Variants in ELMO1 observed in about 807,000 individuals in gnomAD.
The protein encoded by ELMO1 is engulfment and cell motility protein 1.
ELMO1 carries 26 observed loss-of-function variants against 98.9 expected under a neutral mutation model. The ratio of observed to expected loss-of-function variants is 0.26; its 90% confidence interval spans 0.19 to 0.36. The LOEUF (loss-of-function observed/expected upper bound fraction) is 0.36. Ranked by LOEUF, ELMO1 falls within the 10% of genes least tolerant of loss-of-function variation. The pLI is 1.00. For missense variants in ELMO1, 627 were observed against 935.2 expected (o/e 0.67, Z 4.30); for synonymous variants, 346 against 346.0 (o/e 1.00, Z 0.00).
chr7:37,176,110 C>T (rs1394532138), intron 13 of ELMO1, among the ~76,000 whole-genome samples: 1 of 152,182 alleles, frequency 6.6e-6, no homozygotes, highest in Admixed American at 6.5e-5. Context: ...CTGTCATTTA[C>T]TAGAGATAAT....
rs143661872 is a variant in ELMO1 at position 36,870,888 on chromosome 7, T to C, written c.1823-413A>G. ...AGAGCAATGCCAAGTGCTTTACATA[T>C]ATCAGTGTCTCTTGTTACAGCATTT... is the stretch of plus-strand genomic sequence containing the variant. On this transcript the variant is annotated intron_variant, in intron 19 of 21. Coordinates refer to ENST00000310758, the MANE Select transcript of ELMO1 (RefSeq NM_014800.11). This position sits in a 1 kb window ranked among gnomAD's most constrained non-coding sequence, Gnocchi z 4.4. Among the ~76,000 whole-genome samples, 8 of 152,362 alleles carry C rather than the reference T, an allele frequency of 5.3e-5. No individual in the cohort carries two copies. The East Asian group carries it at 1.5e-3, about 29-fold the overall frequency.
chr7:37,107,190 C>T (rs1017103889), intron 14 of ELMO1, among the ~76,000 whole-genome samples: 4 of 152,308 alleles, frequency 2.6e-5, no homozygotes, highest in South Asian at 2.1e-4. Flanking sequence ...TTGCAATCTA[C>T]TTGGAAGATA....
chr7:36,868,351 T>C (rs7801085), intron 20 of ELMO1, among the ~76,000 whole-genome samples: 8 of 100,348 alleles, frequency 8.0e-5, no homozygotes, highest in African/African-American at 1.5e-4. Context: ...TCTTCTTCTT[T>C]TTTTTTTTTT....
chr7:37,159,132 C>T (rs1257975957), intron 13 of ELMO1, among the ~76,000 whole-genome samples: 1 of 152,098 alleles, frequency 6.6e-6, no homozygotes, highest in Non-Finnish European at 1.5e-5. Context: ...GGGAGGGGAA[C>T]ATCACACACT....
At chr7:37,152,459 T>A (rs1584726531) in intron 13 of ELMO1, among the ~76,000 whole-genome samples, 1 of 131,452 alleles carries the variant, frequency 7.6e-6, no homozygotes, top group East Asian at 2.3e-4. Context: ...TTTTTTTTTT[T>A]TATGTTTTTC....
chr7:37,269,377 G>A (rs1157389797), intron 5 of ELMO1: 1 of 151,818 alleles, frequency 6.6e-6, no homozygotes, highest in Non-Finnish European at 1.5e-5. Flanking sequence ...CCAGGTTTGG[G>A]GATCACTGCT....
At position 36,954,814 on chromosome 7, in the gene ELMO1, C is replaced by T. The variant is rs137907738; in HGVS notation, c.1437+58485G>A. On this transcript the variant is annotated intron_variant, in intron 16 of 21. Coordinates refer to ENST00000310758, the MANE Select transcript of ELMO1 (RefSeq NM_014800.11). Reference sequence around the variant, plus strand: ...GTCTTCGCAACTCATGAGATGTCTGCTCAAAATGCAGATTCTTAAATTCTG... The same window carrying T: ...GTCTTCGCAACTCATGAGATGTCTGTTCAAAATGCAGATTCTTAAATTCTG... Among the ~76,000 whole-genome samples, 487 of 152,278 alleles carry T rather than the reference C, an allele frequency of 3.2e-3. 2 individuals are homozygous for T. Among genetic ancestry groups the T allele is most frequent in the African/African-American group, 0.011 (463 of 41,552 alleles).
intron 2 of ELMO1, among the ~76,000 whole-genome samples, chr7:37,327,196 T>C (rs1799865375): frequency 6.6e-6 from 1 of 152,246 alleles, no homozygotes; most frequent in South Asian, 2.1e-4. Context: ...ATCAAGTGTT[T>C]CCTTTCATGT....
At chr7:36,886,848 G>A (rs74467966) in intron 18 of ELMO1, among the ~76,000 whole-genome samples, 1 of 152,188 alleles carries the variant, frequency 6.6e-6, no homozygotes. Flanking sequence ...TCAGAAATCT[G>A]CCTTGAGAAA....
chr7:37,137,412 C>A (rs1031498385), intron 13 of ELMO1, among the ~76,000 whole-genome samples: 4 of 152,276 alleles, frequency 2.6e-5, no homozygotes, highest in African/African-American at 9.6e-5. Context: ...CTATACCCTA[C>A]AACAAATGGA....
chr7:37,418,476 C>CAAT (rs898283997), intron 1 of ELMO1, among the ~76,000 whole-genome samples: 1 of 152,094 alleles, frequency 6.6e-6, no homozygotes, highest in African/African-American at 2.4e-5. Flanking sequence ...CAGTACATTG[C>CAAT]AATAAGGTAA....
chr7:37,039,184 C>T (rs1273902257), intron 15 of ELMO1, among the ~76,000 whole-genome samples: 1 of 152,134 alleles, frequency 6.6e-6, no homozygotes, highest in East Asian at 1.9e-4. Context: ...CAAACAGGCT[C>T]ACAAAATGAA....
In ELMO1 at chr7:37,188,409, TACACACACACACACAC is replaced by T. The variant is rs566236838; in HGVS notation, c.1086+22961_1086+22976del. Among the ~76,000 whole-genome samples the T allele has an allele frequency of 9.6e-3, 1,111 of 115,848 alleles. 11 individuals carry two copies. Among genetic ancestry groups the T allele is most frequent in the South Asian group, 0.015 (50 of 3,350 alleles). The allele number at this position is 115,848 out of a possible 152,430, so 76.0% of individuals were successfully genotyped here. ...TTAACATACAGACTGTGCTTCTTGTTACACACACACACACACACACACACACACACACACACACACA... is the reference window on the plus strand; with the variant it reads ...TTAACATACAGACTGTGCTTCTTGTTACACACACACACACACACACACACA... On this transcript the variant is annotated intron_variant, in intron 13 of 21. Transcript: ENST00000310758.
chr7:37,315,418 A>T (rs940664799), intron 3 of ELMO1, among the ~76,000 whole-genome samples: 6 of 151,466 alleles, frequency 4.0e-5, no homozygotes, highest in Non-Finnish European at 7.4e-5. Context: ...GTTCTGGTTT[A>T]AAAAAAAACA....
chr7:36,888,902 G>A (rs1390046633), intron 17 of ELMO1, among the ~76,000 whole-genome samples: 1 of 152,190 alleles, frequency 6.6e-6, no homozygotes, highest in Admixed American at 6.5e-5. Context: ...GCCAGGTAGT[G>A]CAATATGCAA....
At chr7:36,866,948 T>G (rs1178056359) in intron 20 of ELMO1, among the ~76,000 whole-genome samples, 3 of 152,208 alleles carry the variant, frequency 2.0e-5, no homozygotes, top group Non-Finnish European at 4.4e-5. Flanking sequence ...TCCTTCTGCC[T>G]TTTGATGTTT....
chr7:37,037,205 G>A (rs1795223630), intron 15 of ELMO1, among the ~76,000 whole-genome samples: 1 of 152,184 alleles, frequency 6.6e-6, no homozygotes, highest in Non-Finnish European at 1.5e-5. Flanking sequence ...GCCCTTTAAT[G>A]TTTTAATGAA....
intron 16 of ELMO1, among the ~76,000 whole-genome samples, chr7:36,977,321 G>C (rs1443212046): frequency 6.6e-6 from 1 of 152,228 alleles, no homozygotes; most frequent in African/African-American, 2.4e-5. Context: ...CACACAGAGA[G>C]TACAGCTCTT....
chr7:37,162,281 G>T (rs1238327968), intron 13 of ELMO1, among the ~76,000 whole-genome samples: 1 of 152,046 alleles, frequency 6.6e-6, no homozygotes, highest in African/African-American at 2.4e-5. Context: ...CCCACACCAG[G>T]TGCTGGAGGG....
Sources: gnomAD v4.1 joint callset for allele counts (sites outside exome capture counted in the v4.1 genomes callset) on GRCh38, gnomAD v4.1.1 for gene constraint, Gnocchi (gnomAD v3.1) non-coding constraint, MANE v1.5 for transcripts, NCBI Gene and HGNC (gene_info 2026-07-23, HGNC 2026-07-21) for gene names.